Variants in LRPPRC observed in about 807,000 individuals in gnomAD.
LRPPRC encodes leucine-rich PPR motif-containing protein, mitochondrial.
A neutral mutation model predicts 180.3 loss-of-function variants in LRPPRC; 120 were observed. The observed-to-expected ratio is 0.67, with a 90% CI of 0.57 to 0.77. The LOEUF is 0.77. Among genes scored for constraint, LRPPRC ranks in the 30% least tolerant of loss-of-function variants. The pLI is 0.00. For missense variants in LRPPRC, 2,012 were observed against 1,657.2 expected (o/e 1.21, Z -3.72); for synonymous variants, 723 against 600.0 (o/e 1.21, Z -3.00).
intron 3 of LRPPRC, among the ~76,000 whole-genome samples, chr2:43,979,225 A>G (rs551728670): frequency 6.6e-6 from 1 of 152,268 alleles, no homozygotes; most frequent in African/African-American, 2.4e-5. Context: ...AAATATTTTA[A>G]TATTGTATAC....
At chr2:43,995,624 A>T in intron 1 of LRPPRC, 175 bp downstream of exon 1, 2 of 567,292 alleles carry the variant, frequency 3.5e-6, no homozygotes, top group Non-Finnish European at 5.5e-6. Context: ...GAAGGCGCTT[A>T]ACCCTGTCAC....
At chr2:43,966,555 C>T (rs775044913) in intron 11 of LRPPRC, among the ~76,000 whole-genome samples, 1 of 151,640 alleles carries the variant, frequency 6.6e-6, no homozygotes, top group Non-Finnish European at 1.5e-5. Context: ...GGACTACAGG[C>T]GCACGCCACC....
intron 1 of LRPPRC, among the ~76,000 whole-genome samples, chr2:43,990,591 C>T (rs562524187): frequency 3.3e-5 from 5 of 152,216 alleles, no homozygotes; most frequent in African/African-American, 9.6e-5. Context: ...AGTCTCTTCA[C>T]GCTCTTCTCT....
intron 13 of LRPPRC, among the ~76,000 whole-genome samples, chr2:43,957,701 C>T (rs1226317061): frequency 2.0e-5 from 3 of 152,094 alleles, no homozygotes; most frequent in Non-Finnish European, 4.4e-5. Context: ...ATATCCTTTC[C>T]TATAAATGGC....
chr2:43,986,793 A>C (rs1349235080), intron 1 of LRPPRC, among the ~76,000 whole-genome samples: 1 of 152,216 alleles, frequency 6.6e-6, no homozygotes, highest in Non-Finnish European at 1.5e-5. Flanking sequence ...TTCACACTGG[A>C]AAGTGGTAAA....
intron 27 of LRPPRC, 56 bp downstream of exon 27, chr2:43,925,011 C>T: frequency 9.7e-7 from 1 of 1,028,152 alleles, no homozygotes; most frequent in Non-Finnish European, 1.5e-6. Flanking sequence ...TACTCCTTTC[C>T]TGCCACTGCC....
chr2:43,957,954 C>A (rs1413505027), intron 13 of LRPPRC, among the ~76,000 whole-genome samples: 3 of 152,146 alleles, frequency 2.0e-5, no homozygotes, highest in Non-Finnish European at 2.9e-5. Context: ...ACAAGAGTAA[C>A]CACCTAAAGT....
chr2:43,909,522 T>C (rs1456916576), intron 30 of LRPPRC, among the ~76,000 whole-genome samples: 3 of 152,050 alleles, frequency 2.0e-5, no homozygotes, highest in Admixed American at 1.3e-4. Context: ...CTATACAGCA[T>C]AGTGCTAACA....
intron 12 of LRPPRC, among the ~76,000 whole-genome samples, chr2:43,961,284 C>G (rs1300994607): frequency 6.6e-6 from 1 of 152,054 alleles, no homozygotes; most frequent in East Asian, 1.9e-4. Flanking sequence ...TTCTTCAGGT[C>G]TCTAGTAAGC....
At chr2:43,898,071 T>A (rs6751425) in intron 34 of LRPPRC, among the ~76,000 whole-genome samples, 238 of 115,728 alleles carry the variant, frequency 2.1e-3, no homozygotes, top group Middle Eastern at 4.5e-3. Context: ...TCCTTAAAAT[T>A]AAAAAAAAAA....
At chr2:43,956,938 A>G (rs1369659981) in intron 14 of LRPPRC, among the ~76,000 whole-genome samples, 1 of 152,160 alleles carries the variant, frequency 6.6e-6, no homozygotes, top group Non-Finnish European at 1.5e-5. Flanking sequence ...ATTCCCTTTT[A>G]CTATTCTTTC....
chr2:43,929,395 CTATG>C (rs936818978), intron 25 of LRPPRC, among the ~76,000 whole-genome samples: 2 of 152,094 alleles, frequency 1.3e-5, no homozygotes, highest in Non-Finnish European at 2.9e-5. Context: ...CATGTATAGT[CTATG>C]TGTGTGTAAG....
At chr2:43,994,881 T>TAA (rs1200750435) in intron 1 of LRPPRC, among the ~76,000 whole-genome samples, 1 of 152,212 alleles carries the variant, frequency 6.6e-6, no homozygotes, top group Non-Finnish European at 1.5e-5. Flanking sequence ...GACACCCACT[T>TAA]AGAGTTTAAC....
intron 36 of LRPPRC, among the ~76,000 whole-genome samples, chr2:43,893,376 G>A (rs1487717300): frequency 6.6e-6 from 1 of 152,230 alleles, no homozygotes; most frequent in Non-Finnish European, 1.5e-5. Context: ...GAACTCTTTC[G>A]TGAAAGGAAA....
chr2:43,928,817 A>T (rs1381190822), intron 25 of LRPPRC, among the ~76,000 whole-genome samples: 3 of 152,142 alleles, frequency 2.0e-5, no homozygotes, highest in Non-Finnish European at 4.4e-5. Context: ...TCCAAGTACA[A>T]CTGACCCTTG....
At chr2:43,944,453 T>C (rs1215944822) in intron 22 of LRPPRC, among the ~76,000 whole-genome samples, 1 of 152,098 alleles carries the variant, frequency 6.6e-6, no homozygotes, top group Non-Finnish European at 1.5e-5. Context: ...GGATATGGAA[T>C]AAGTGCATTT....
At chr2:43,896,822 A>T (rs1670703801) in intron 34 of LRPPRC, 114 bp from the exon 35 acceptor site, 2 of 726,930 alleles carry the variant, frequency 2.8e-6, no homozygotes, top group Non-Finnish European at 5.0e-6. Flanking sequence ...TATTACCAAT[A>T]GGAAGGCCTA....
At chr2:43,989,390 G>A (rs1018099734) in intron 1 of LRPPRC, among the ~76,000 whole-genome samples, 1 of 152,092 alleles carries the variant, frequency 6.6e-6, no homozygotes, top group Non-Finnish European at 1.5e-5. Context: ...CATCTCCCAG[G>A]ATCCTCCAGT....
At chr2:43,890,323 CA>C (rs757358884) in intron 36 of LRPPRC, 1 of 469,126 alleles carries the variant, frequency 2.1e-6, no homozygotes, top group African/African-American at 2.0e-5. Context: ...ACATCAACAT[CA>C]AGATCATCAG....
Sources: gnomAD v4.1 joint callset for allele counts (sites outside exome capture counted in the v4.1 genomes callset) on GRCh38, gnomAD v4.1.1 for gene constraint, MANE v1.5 for transcripts, NCBI Gene and HGNC (gene_info 2026-07-23, HGNC 2026-07-21) for gene names.